Variants in PLXNC1 observed in about 807,000 individuals in gnomAD.
PLXNC1 encodes plexin C1.
In PLXNC1, 75 loss-of-function variants were observed where a neutral mutation model predicts 178.2. The observed-to-expected ratio is 0.42, with a 90% CI of 0.35 to 0.51. PLXNC1 has a LOEUF of 0.51. Among genes scored for constraint, PLXNC1 ranks in the 20% least tolerant of loss-of-function variants. The probability of loss-of-function intolerance (pLI) is 0.02; values close to 1 mark genes in which losing one functional copy is unlikely to be tolerated. For missense variants in PLXNC1, 1,503 were observed against 1,984.4 expected (o/e 0.76, Z 4.61); for synonymous variants, 790 against 779.9 (o/e 1.01, Z -0.22).
intron 1 of PLXNC1, among the ~76,000 whole-genome samples, chr12:94,156,659 T>C (rs917277717): frequency 1.3e-5 from 2 of 151,466 alleles, no homozygotes; most frequent in Non-Finnish European, 2.9e-5. Flanking sequence ...AATAAAATCA[T>C]TTCTTAAACA....
In PLXNC1 at chr12:94,248,400, T is replaced by C; in HGVS notation, c.2766T>C (p.Ser922=). ...IKTASTIANS[S]KKVRVKLGNL... is the part of the protein sequence containing the mutation. ...CTGCAAGCACCATTGCCAACTCTTC[T>C]AAGAAAGTTCGGGTAAGTGACCTGG... is the stretch of plus-strand genomic sequence containing the variant. Residue 922 remains serine, a synonymous_variant, in exon 14 of 31, where the codon TCT becomes TCC. Transcript: ENST00000258526. The C allele has an allele frequency of 6.2e-7, 1 of 1,601,194 alleles. No homozygotes were observed. The highest frequency in any genetic ancestry group is 1.1e-5 in the South Asian group (1 of 88,192).
In PLXNC1 at chr12:94,181,587, A is replaced by G; in HGVS notation, c.1338+7A>G. 6.3e-7 allele frequency: 1 copy of G among 1,595,004 alleles called. No homozygotes were observed. Among genetic ancestry groups the G allele is most frequent in the Non-Finnish European group, 8.6e-7 (1 of 1,165,756 alleles). On this transcript the variant is annotated splice_region_variant and intron_variant, in intron 3 of 30. Transcript: ENST00000258526. ...TCTAACAGCTGGGAAAGAGGTAGGT[A>G]GAAATACTAGTTATTGCTTCTGATT...
At chr12:94,253,532 T>C (rs554165523) in intron 15 of PLXNC1, among the ~76,000 whole-genome samples, 1 of 152,198 alleles carries the variant, frequency 6.6e-6, no homozygotes, top group South Asian at 2.1e-4. Flanking sequence ...TCAAGTAAGT[T>C]TGGGAATCAC....
In PLXNC1 at chr12:94,278,062, C is replaced by A. The variant is rs144202025; in HGVS notation, c.3598-1410C>A. The A allele has an allele frequency of 2.8e-4, 126 of 456,084 alleles. No homozygotes were observed. In the East Asian group the frequency reaches 8.3e-3, roughly 30 times the overall value. 28.3% of individuals were successfully genotyped at this position (456,084 alleles called of 1,614,324 possible). A position where few individuals can be genotyped will look rare whatever the true frequency, so the allele number is the denominator to read the frequency against. ...TCCTCTTTCGGCTTTGGAGCCCCCC[C>A]TCCCTCTGTCTCTGTATGGGCGAGC... On this transcript the variant is annotated intron_variant, in intron 21 of 30. Coordinates refer to ENST00000258526, the MANE Select transcript of PLXNC1 (RefSeq NM_005761.3).
intron 3 of PLXNC1, among the ~76,000 whole-genome samples, chr12:94,184,683 G>A (rs1443174252): frequency 6.6e-6 from 1 of 152,216 alleles, no homozygotes; most frequent in Non-Finnish European, 1.5e-5. Flanking sequence ...AAAGTGCTGG[G>A]ATTACAGGTG....
chr12:94,261,823 G>A (rs1306369787), intron 20 of PLXNC1, among the ~76,000 whole-genome samples: 1 of 151,456 alleles, frequency 6.6e-6, no homozygotes, highest in African/African-American at 2.4e-5. Context: ...TAAATAGACT[G>A]TGCTTAGTTT....
chr12:94,206,256 CTT>C (rs1352925528), intron 4 of PLXNC1, among the ~76,000 whole-genome samples: 1 of 141,090 alleles, frequency 7.1e-6, no homozygotes. Context: ...AGGTTTGGAA[CTT>C]TTTTTTTTTT....
chr12:94,255,328 G>T, intron 17 of PLXNC1, 32 bp downstream of exon 17: 1 of 1,343,674 alleles, frequency 7.4e-7, no homozygotes, highest in South Asian at 1.2e-5. Context: ...TCCGAAGGTT[G>T]AGTCTTGAAT....
At chr12:94,152,876 C>T (rs1465748270) in intron 1 of PLXNC1, among the ~76,000 whole-genome samples, 2 of 152,200 alleles carry the variant, frequency 1.3e-5, no homozygotes, top group Non-Finnish European at 2.9e-5. Flanking sequence ...CAGTGATTTA[C>T]GAGATGCTTG....
At chr12:94,298,495 T>C in intron 26 of PLXNC1, 137 bp from the exon 27 acceptor site, 1 of 722,998 alleles carries the variant, frequency 1.4e-6, no homozygotes, top group South Asian at 2.1e-5. Context: ...TTGACAATTT[T>C]ACATTTTTCT....
intron 2 of PLXNC1, among the ~76,000 whole-genome samples, chr12:94,173,411 C>T (rs1211502735): frequency 6.6e-6 from 1 of 152,174 alleles, no homozygotes; most frequent in African/African-American, 2.4e-5. Context: ...TTTATGCATG[C>T]CCATTAACCT....
chr12:94,249,278 G>C (rs1964611966), intron 14 of PLXNC1, among the ~76,000 whole-genome samples: 1 of 152,080 alleles, frequency 6.6e-6, no homozygotes, highest in South Asian at 2.1e-4. Flanking sequence ...TGTTACCCAG[G>C]CAGGAGTACA....
At chr12:94,274,359 G>T in intron 21 of PLXNC1, among the ~76,000 whole-genome samples, 1 of 151,796 alleles carries the variant, frequency 6.6e-6, no homozygotes, top group South Asian at 2.1e-4. Context: ...GAAAACCCTT[G>T]GTTTTATGTG....
chr12:94,220,409 G>A (rs1285414021), intron 6 of PLXNC1, among the ~76,000 whole-genome samples: 1 of 152,184 alleles, frequency 6.6e-6, no homozygotes, highest in African/African-American at 2.4e-5. Context: ...ATAGGAGAGT[G>A]CAGAAAAGCC....
intron 5 of PLXNC1, among the ~76,000 whole-genome samples, chr12:94,211,147 A>T (rs17300064): frequency 0.2 from 31,148 of 152,118 alleles, 3,329 homozygotes; most frequent in Middle Eastern, 0.26. Flanking sequence ...CACTGTTTAT[A>T]TCTGGTCTGG....
intron 23 of PLXNC1, among the ~76,000 whole-genome samples, chr12:94,285,503 C>G (rs973130132): frequency 1.3e-5 from 2 of 152,186 alleles, no homozygotes; most frequent in Non-Finnish European, 2.9e-5. Context: ...GCTCACTCTC[C>G]TATAGCTCAG....
At chr12:94,266,831 C>T (rs769899514) in intron 21 of PLXNC1, among the ~76,000 whole-genome samples, 24 of 152,226 alleles carry the variant, frequency 1.6e-4, no homozygotes, top group Non-Finnish European at 2.8e-4. Context: ...CTACCTAAAA[C>T]TTTATTCCAT....
chr12:94,215,793 A>G (rs1474733598), intron 5 of PLXNC1, among the ~76,000 whole-genome samples: 2 of 152,192 alleles, frequency 1.3e-5, no homozygotes, highest in African/African-American at 4.8e-5. Context: ...CATTAAATAT[A>G]AAAATAAAAT....
intron 12 of PLXNC1, among the ~76,000 whole-genome samples, chr12:94,246,751 G>A (rs1014559564): frequency 1.3e-4 from 20 of 152,162 alleles, no homozygotes; most frequent in Admixed American, 9.2e-4. Context: ...GGACAGAAAT[G>A]TGAGCAGGAG....
Sources: gnomAD v4.1 joint callset for allele counts (sites outside exome capture counted in the v4.1 genomes callset) on GRCh38, gnomAD v4.1.1 for gene constraint, MANE v1.5 for transcripts, NCBI Gene and HGNC (gene_info 2026-07-23, HGNC 2026-07-21) for gene names.